The following PIGN variants were observed in gnomAD, a reference collection of about 807,000 sequenced individuals.
The protein encoded by PIGN is GPI ethanolamine phosphate transferase 1.
In PIGN, 117 loss-of-function variants were observed where a neutral mutation model predicts 125.4. The observed-to-expected ratio is 0.93, with a 90% CI of 0.80 to 1.09. The LOEUF (loss-of-function observed/expected upper bound fraction) is 1.09, where lower values mean the gene tolerates loss of function less well. PIGN is among the 50% of genes least tolerant of loss of function. PIGN has a pLI of 0.00. For missense variants in PIGN, 1,075 were observed against 1,094.9 expected, an observed-to-expected ratio of 0.98 and a Z score of 0.26; for synonymous variants, 392 against 377.8, an observed-to-expected ratio of 1.04 and a Z score of -0.44.
chr18:62,161,358 A>G lies in PIGN; in HGVS notation c.-5T>C, dbSNP rs200306794. ...CAAAGTAAAGAACAGCAGCATATCC[A>G]GTGTAACTAATTAGTCTTCAAGAAC... is the stretch of plus-strand genomic sequence containing the variant. On this transcript the variant is annotated 5_prime_UTR_variant, in exon 4 of 31. Coordinates refer to ENST00000640252, the MANE Select transcript of PIGN (RefSeq NM_176787.5). 6 of 1,597,594 alleles carry G rather than the reference A, an allele frequency of 3.8e-6. No individual in the cohort carries two copies. Among genetic ancestry groups the G allele is most frequent in the Non-Finnish European group, 4.3e-6 (5 of 1,167,156 alleles).
intron 14 of PIGN, among the ~76,000 whole-genome samples, chr18:62,124,198 C>G (rs1310505376): frequency 6.6e-6 from 1 of 152,004 alleles, no homozygotes; most frequent in African/African-American, 2.4e-5. Flanking sequence ...TTAAATAAAC[C>G]ACAGCAACAT....
intron 14 of PIGN, among the ~76,000 whole-genome samples, chr18:62,131,954 T>C (rs1044788195): frequency 4.3e-4 from 66 of 152,104 alleles, no homozygotes; most frequent in African/African-American, 8.5e-4. Flanking sequence ...GCCAATGTCC[T>C]AGATGAATTT....
Position 62,090,464 on chromosome 18 carries a change from T to G in PIGN, c.2283+12A>C. 1 of 1,534,024 alleles carries G rather than the reference T, an allele frequency of 6.5e-7. No individual in the cohort carries two copies. The stretch of plus-strand genomic sequence containing the variant: ...GTCTCAAATAAAAACAAAAATGACT[T>G]TGACCAGCTACCTTTTGTTTACAGC... On this transcript the variant is annotated intron_variant, in intron 24 of 30. Coordinates refer to ENST00000640252, the MANE Select transcript of PIGN (RefSeq NM_176787.5).
At chr18:62,018,756 T>C (rs2030013833) in intron 23 of PIGN, among the ~76,000 whole-genome samples, 1 of 152,182 alleles carries the variant, frequency 6.6e-6, no homozygotes, top group Admixed American at 6.5e-5. Flanking sequence ...ATTACAGGTC[T>C]GATTCTGAAA....
At chr18:62,084,890 C>G (rs924858237) in intron 26 of PIGN, among the ~76,000 whole-genome samples, 3 of 152,150 alleles carry the variant, frequency 2.0e-5, no homozygotes, top group African/African-American at 7.2e-5. Context: ...GGTGGATCAC[C>G]TGCGGTCAGC....
intron 30 of PIGN, among the ~76,000 whole-genome samples, chr18:62,049,756 A>G (rs2031101382): frequency 6.6e-6 from 1 of 151,896 alleles, no homozygotes; most frequent in African/African-American, 2.4e-5. Flanking sequence ...TTGGTGTTTT[A>G]GACATGAAGT....
intron 14 of PIGN, among the ~76,000 whole-genome samples, chr18:62,118,383 C>A (rs2035168219): frequency 6.6e-6 from 1 of 151,518 alleles, no homozygotes. Context: ...ACTAGAAAGC[C>A]CAATAAAATA....
intron 14 of PIGN, among the ~76,000 whole-genome samples, chr18:62,115,082 T>C (rs1274169487): frequency 2.6e-5 from 4 of 152,194 alleles, no homozygotes; most frequent in African/African-American, 9.6e-5. Flanking sequence ...AGAATTCTTA[T>C]TATCAAAGAG....
chr18:62,122,538 A>C (rs901430546), intron 14 of PIGN, among the ~76,000 whole-genome samples: 2 of 152,190 alleles, frequency 1.3e-5, no homozygotes, highest in African/African-American at 4.8e-5. Context: ...GAGTGGATTC[A>C]GAATAGCAGC....
chr18:62,132,126 AT>A (rs2147014210), intron 14 of PIGN, among the ~76,000 whole-genome samples: 1 of 152,288 alleles, frequency 6.6e-6, no homozygotes, highest in Admixed American at 6.5e-5. Context: ...TTGATCTTTT[AT>A]GTTTATAGGC....
chr18:62,029,137 T>C (rs1258763154), intron 23 of PIGN, among the ~76,000 whole-genome samples: 1 of 152,210 alleles, frequency 6.6e-6, no homozygotes, highest in Admixed American at 6.5e-5. Context: ...CATACAGTTT[T>C]GAAGGGACAG....
Position 62,045,731 on chromosome 18 carries a change from T to C in PIGN, c.*125A>G, listed in dbSNP as rs112427873. The C allele has an allele frequency of 7.9e-3, 6,881 of 874,274 alleles. 35 individuals carry two copies. The highest frequency in any genetic ancestry group is 9.2e-3 in the Non-Finnish European group (5,578 of 604,886). The allele number at this position is 874,274 out of a possible 1,614,324, so 54.2% of individuals were successfully genotyped here. A position where few individuals can be genotyped will look rare whatever the true frequency, so the allele number is the denominator to read the frequency against. The stretch of plus-strand genomic sequence containing the variant: ...TAACCTGTCAATTCGGAATTCCAAA[T>C]ACCATTTTCCTTACAGGAGTAGAAT... On this transcript the variant is annotated 3_prime_UTR_variant, in exon 31 of 31. Transcript: ENST00000640252.
At chr18:62,035,039 C>T (rs1191204919) in intron 23 of PIGN, among the ~76,000 whole-genome samples, 2 of 152,074 alleles carry the variant, frequency 1.3e-5, no homozygotes, top group African/African-American at 2.4e-5. Context: ...GTGGGTTTCT[C>T]CTGTGCTGTT....
chr18:62,061,499 G>A (rs183629909), intron 30 of PIGN, among the ~76,000 whole-genome samples: 1 of 58,914 alleles, frequency 1.7e-5, no homozygotes, highest in Non-Finnish European at 3.3e-5. Context: ...GCGACAGAGC[G>A]AGACTCCGTC....
chr18:62,120,326 T>C (rs1284551151), intron 14 of PIGN, among the ~76,000 whole-genome samples: 3 of 152,180 alleles, frequency 2.0e-5, no homozygotes, highest in Admixed American at 6.5e-5. Context: ...ACTGACAATC[T>C]AGAATTTCAC....
At chr18:62,085,069 C>T in intron 26 of PIGN, 140 bp downstream of exon 26, 1 of 596,072 alleles carries the variant, frequency 1.7e-6, no homozygotes. Context: ...GATCACACCA[C>T]TGCCCTCCAG....
At chr18:62,025,150 A>G (rs2144871405) in intron 23 of PIGN, among the ~76,000 whole-genome samples, 1 of 152,328 alleles carries the variant, frequency 6.6e-6, no homozygotes, top group Admixed American at 6.5e-5. Flanking sequence ...GAGACACATC[A>G]TGTTCATCAT....
In PIGN at chr18:62,114,412, G is replaced by A. The variant is rs1349427076; in HGVS notation, c.1251+149C>T. 4 of 561,264 alleles carry A rather than the reference G, an allele frequency of 7.1e-6. No homozygotes were observed. In the East Asian group the frequency reaches 9.3e-5, roughly 13 times the overall value. The allele number at this position is 561,264 out of a possible 1,614,324, so 34.8% of individuals were successfully genotyped here. ...ATATTAGTTGAAATAAGAGAGATCT[G>A]TCCACTGCTAAAGCAGCTACTCAGG... is the stretch of plus-strand genomic sequence containing the variant. On this transcript the variant is annotated intron_variant, in intron 15 of 30. Transcript: ENST00000640252.
At chr18:62,121,004 T>C (rs1200057014) in intron 14 of PIGN, among the ~76,000 whole-genome samples, 4 of 152,144 alleles carry the variant, frequency 2.6e-5, no homozygotes, top group African/African-American at 9.7e-5. Flanking sequence ...TGAAAGGATA[T>C]GAGAAAAGAC....
Sources: allele counts gnomAD v4.1 joint callset (sites outside exome capture counted in the v4.1 genomes callset), GRCh38; gene constraint gnomAD v4.1.1; transcripts MANE v1.5; gene names NCBI Gene and HGNC (gene_info 2026-07-23, HGNC 2026-07-21).